The following XYLT1 variants were observed in gnomAD, a reference collection of about 807,000 sequenced individuals.
XYLT1 encodes the protein xylosyltransferase 1, also known as beta-D-xylosyltransferase 1.
XYLT1 carries 36 observed loss-of-function variants against 91.3 expected under a neutral mutation model. The observed-to-expected ratio is 0.39, with a 90% CI of 0.30 to 0.52. The LOEUF is 0.52. Ranked by LOEUF, XYLT1 falls within the 20% of genes least tolerant of loss-of-function variation. XYLT1 has a pLI of 0.68. For synonymous variants in XYLT1, 588 were observed against 532.0 expected (o/e 1.11, Z -1.45); for missense variants, 1,242 against 1,284.5 (o/e 0.97, Z 0.51).
At chr16:17,332,014 C>G (rs111477996) in intron 2 of XYLT1, among the ~76,000 whole-genome samples, 12 of 152,348 alleles carry the variant, frequency 7.9e-5, no homozygotes, top group African/African-American at 2.4e-4. Flanking sequence ...TTAAACAAGA[C>G]AATCATATCC....
At chr16:17,434,945 A>G (rs1438461057) in intron 1 of XYLT1, among the ~76,000 whole-genome samples, 1 of 152,166 alleles carries the variant, frequency 6.6e-6, no homozygotes, top group East Asian at 1.9e-4. Flanking sequence ...TTTAATGCAG[A>G]TGAAAGAAGA....
intron 2 of XYLT1, among the ~76,000 whole-genome samples, chr16:17,283,940 C>T (rs935054449): frequency 3.9e-5 from 6 of 152,188 alleles, no homozygotes; most frequent in African/African-American, 9.7e-5. Context: ...TACTGTTATC[C>T]GCACTACCAC....
chr16:17,435,770 T>C lies in XYLT1; in HGVS notation c.363+34664A>G, dbSNP rs547507515. 9.2e-5 allele frequency among the ~76,000 whole-genome samples: 14 copies of C among 152,298 alleles called. No individual in the cohort carries two copies. The East Asian group carries it at 1.2e-3, about 13-fold the overall frequency. ...GCTGAATCCTCCAAGGATTCTCTCA[T>C]TGACTTTATTTTCATCTTACATCAC... On this transcript the variant is annotated intron_variant, in intron 1 of 11. Transcript: ENST00000261381.
At chr16:17,235,932 C>G (rs1196073306) in intron 3 of XYLT1, among the ~76,000 whole-genome samples, 1 of 152,178 alleles carries the variant, frequency 6.6e-6, no homozygotes, top group African/African-American at 2.4e-5. Context: ...AGTGGCCCAA[C>G]TGCTGCTCAT....
At chr16:17,236,559 T>A (rs909414258) in intron 3 of XYLT1, among the ~76,000 whole-genome samples, 1 of 152,092 alleles carries the variant, frequency 6.6e-6, no homozygotes, top group African/African-American at 2.4e-5. Context: ...CCTAACAAAG[T>A]CACACAGCTG....
intron 2 of XYLT1, among the ~76,000 whole-genome samples, chr16:17,273,010 C>T (rs192638038): frequency 4.2e-4 from 64 of 152,276 alleles, no homozygotes; most frequent in African/African-American, 1.5e-3. Context: ...ATCAGAAACC[C>T]AGCAGGACAG....
chr16:17,405,975 G>A (rs1184375113), intron 1 of XYLT1, among the ~76,000 whole-genome samples: 1 of 152,032 alleles, frequency 6.6e-6, no homozygotes, highest in Non-Finnish European at 1.5e-5. Context: ...ACTTGAGGTC[G>A]GGAGTTTGAG....
intron 1 of XYLT1, among the ~76,000 whole-genome samples, chr16:17,468,358 A>G (rs1016746497): frequency 3.3e-5 from 5 of 151,968 alleles, no homozygotes; most frequent in South Asian, 2.1e-4. Flanking sequence ...AGAAGAGAAG[A>G]GAACCAAAAG....
At chr16:17,349,386 T>A (rs12598334) in intron 2 of XYLT1, among the ~76,000 whole-genome samples, 2 of 152,088 alleles carry the variant, frequency 1.3e-5, no homozygotes, top group Non-Finnish European at 1.5e-5. Flanking sequence ...TATTGATATC[T>A]CTACCTATCT....
At chr16:17,445,274 G>C (rs2036578040) in intron 1 of XYLT1, among the ~76,000 whole-genome samples, 1 of 152,028 alleles carries the variant, frequency 6.6e-6, no homozygotes, top group African/African-American at 2.4e-5. Context: ...GGGATTACAG[G>C]CATCAGCCAC....
chr16:17,349,566 A>G (rs540746983), intron 2 of XYLT1, among the ~76,000 whole-genome samples: 2 of 151,996 alleles, frequency 1.3e-5, no homozygotes, highest in East Asian at 3.9e-4. Context: ...ATTTCCCAAT[A>G]TATGAAAGCT....
chr16:17,333,345 G>T lies in XYLT1; in HGVS notation c.402+24667C>A, dbSNP rs529399449. Among the ~76,000 whole-genome samples the T allele has an allele frequency of 2.0e-5, 3 of 152,200 alleles. No homozygotes were observed. The East Asian group carries it at 5.8e-4, about 29-fold the overall frequency. On this transcript the variant is annotated intron_variant, in intron 2 of 11. Transcript: ENST00000261381. Reference sequence around the variant, plus strand: ...CTAAACAAATATGAAAAAGCATTAAGGAGATGTTTTATATTCTTTTGTTTG... The same window carrying T: ...CTAAACAAATATGAAAAAGCATTAATGAGATGTTTTATATTCTTTTGTTTG...
chr16:17,232,728 A>G (rs1405054086), intron 3 of XYLT1, among the ~76,000 whole-genome samples: 1 of 151,540 alleles, frequency 6.6e-6, no homozygotes, highest in Non-Finnish European at 1.5e-5. Flanking sequence ...CGGCAGTGGT[A>G]GAGGTGATAG....
At chr16:17,198,026 T>G in intron 5 of XYLT1, 186 bp downstream of exon 5, 1 of 667,672 alleles carries the variant, frequency 1.5e-6, no homozygotes, top group Admixed American at 2.9e-5. Flanking sequence ...GTGCTCAGTC[T>G]CTATCTGTTG....
intron 2 of XYLT1, among the ~76,000 whole-genome samples, chr16:17,286,714 A>G (rs955026780): frequency 6.8e-6 from 1 of 148,046 alleles, no homozygotes; most frequent in Non-Finnish European, 1.5e-5. Flanking sequence ...AAGGTTTTCC[A>G]GCAAGCAATG....
chr16:17,236,482 T>C (rs1403126228), intron 3 of XYLT1, among the ~76,000 whole-genome samples: 1 of 150,066 alleles, frequency 6.7e-6, no homozygotes, highest in African/African-American at 2.5e-5. Flanking sequence ...GTGGAAAAAC[T>C]GATGTGGGAC....
intron 1 of XYLT1, among the ~76,000 whole-genome samples, chr16:17,412,935 G>GT: frequency 6.6e-6 from 1 of 152,278 alleles, no homozygotes; most frequent in Non-Finnish European, 1.5e-5. Context: ...CACAATGCTC[G>GT]TATCTGCTGA....
In XYLT1 at chr16:17,108,911, C is replaced by T. The variant is rs1191402732; in HGVS notation, c.2664G>A (p.Val888=). The change falls in exon 12 of 12, where the codon GTG becomes GTA. Residue 888 remains valine, a synonymous_variant. Coordinates refer to ENST00000261381, the MANE Select transcript of XYLT1 (RefSeq NM_022166.4). The part of the protein sequence containing the change: ...VLSLPINPAQ[V]EQARRNAAST... ...AGGCTGCGTTCCTCCGTGCCTGTTC[C>T]ACCTGGGCGGGGTTGATGGGCAGGC... 1.1e-5 allele frequency: 18 copies of T among 1,605,664 alleles called. No homozygotes were observed. The highest frequency in any genetic ancestry group is 1.4e-5 in the Non-Finnish European group (17 of 1,174,050).
intron 2 of XYLT1, among the ~76,000 whole-genome samples, chr16:17,357,738 C>T (rs1445179368): frequency 2.6e-5 from 4 of 152,186 alleles, no homozygotes; most frequent in Admixed American, 6.5e-5. Flanking sequence ...GAAGGACAGA[C>T]GAAAACTCAA....
Sources: gnomAD v4.1 joint callset for allele counts (sites outside exome capture counted in the v4.1 genomes callset) on GRCh38, gnomAD v4.1.1 for gene constraint, MANE v1.5 for transcripts, NCBI Gene and HGNC (gene_info 2026-07-23, HGNC 2026-07-21) for gene names.